Variants in ADAMTSL1 observed in about 807,000 individuals in gnomAD.
ADAMTSL1 encodes the protein ADAMTS like 1.
In ADAMTSL1, 126 loss-of-function variants were observed where a neutral mutation model predicts 201.8. The ratio of observed to expected loss-of-function variants is 0.62; its 90% CI spans 0.54 to 0.72. The LOEUF is 0.72. ADAMTSL1 is among the 30% of genes least tolerant of loss of function. The pLI, the probability that ADAMTSL1 is intolerant of heterozygous loss-of-function variation, is 0.00. For synonymous variants in ADAMTSL1, 1,121 were observed against 903.4 expected (o/e 1.24, Z -4.32); for missense variants, 2,679 against 2,277.8 (o/e 1.18, Z -3.59).
Position 18,695,958 on chromosome 9 carries a change from T to G in ADAMTSL1, c.1575-10789T>G, listed in dbSNP as rs1210912293. ...GGAGGCCACAGGAAATTTACAATCA[T>G]GATGGAAGAGAAGGGGAAGCAGGCA... On this transcript the variant is annotated intron_variant, in intron 13 of 28. Coordinates refer to ENST00000380548, the MANE Select transcript of ADAMTSL1 (RefSeq NM_001040272.6). 2.0e-5 allele frequency among the ~76,000 whole-genome samples: 3 copies of G among 152,060 alleles called. No homozygotes were observed. In the South Asian group the frequency reaches 6.2e-4, roughly 32 times the overall value.
intron 1 of ADAMTSL1, among the ~76,000 whole-genome samples, chr9:18,105,221 G>A (rs1370044991): frequency 1.3e-5 from 2 of 152,090 alleles, no homozygotes; most frequent in African/African-American, 4.8e-5. Context: ...TTTCCTTCCA[G>A]CCCTAACTTT....
At chr9:18,023,544 G>A (rs541139169) in intron 1 of ADAMTSL1, among the ~76,000 whole-genome samples, 12 of 152,278 alleles carry the variant, frequency 7.9e-5, no homozygotes, top group South Asian at 6.2e-4. Flanking sequence ...AATGCCCTGC[G>A]TCTGACTCAT....
chr9:18,732,110 C>G (rs748466934), intron 15 of ADAMTSL1, among the ~76,000 whole-genome samples: 21 of 152,136 alleles, frequency 1.4e-4, no homozygotes, highest in Non-Finnish European at 2.9e-4. Context: ...TAGTTCCTAC[C>G]TCATAGAGCA....
At chr9:18,603,386 CTATGCTAT>C (rs1824793259) in intron 4 of ADAMTSL1, among the ~76,000 whole-genome samples, 4 of 151,918 alleles carry the variant, frequency 2.6e-5, no homozygotes, top group African/African-American at 4.8e-5. Context: ...CTATGCTATG[CTATGCTAT>C]GCTATGCTAT....
At chr9:18,878,443 G>C (rs1363008077) in intron 23 of ADAMTSL1, among the ~76,000 whole-genome samples, 1 of 152,186 alleles carries the variant, frequency 6.6e-6, no homozygotes, top group African/African-American at 2.4e-5. Flanking sequence ...GCTTCCCCAG[G>C]AACTGAGAGC....
intron 1 of ADAMTSL1, among the ~76,000 whole-genome samples, chr9:18,493,085 A>G (rs186028845): frequency 2.0e-5 from 3 of 152,308 alleles, no homozygotes; most frequent in Admixed American, 2.0e-4. Flanking sequence ...AGCTTCAAGG[A>G]CATTGTATTG....
chr9:18,661,064 A>G (rs938720182), intron 8 of ADAMTSL1, among the ~76,000 whole-genome samples: 1 of 152,196 alleles, frequency 6.6e-6, no homozygotes, highest in East Asian at 1.9e-4. Flanking sequence ...AAAATTCTCT[A>G]TGCACATTTA....
intron 23 of ADAMTSL1, among the ~76,000 whole-genome samples, chr9:18,863,466 G>A (rs1827329167): frequency 6.6e-6 from 1 of 152,164 alleles, no homozygotes. Context: ...CTTAAAGTTA[G>A]TTTTCTTTGG....
chr9:18,489,321 A>T (rs1039227032), intron 1 of ADAMTSL1, among the ~76,000 whole-genome samples: 1 of 152,224 alleles, frequency 6.6e-6, no homozygotes, highest in Non-Finnish European at 1.5e-5. Context: ...TACTGATTCC[A>T]GGAACTCCTG....
chr9:18,477,122 C>T (rs994198384), intron 1 of ADAMTSL1, among the ~76,000 whole-genome samples: 9 of 152,270 alleles, frequency 5.9e-5, no homozygotes, highest in South Asian at 4.1e-4. Flanking sequence ...TCTGCTTTCT[C>T]GTATTTATTC....
At chr9:18,904,097 T>G (rs995815602) in intron 26 of ADAMTSL1, among the ~76,000 whole-genome samples, 1 of 152,162 alleles carries the variant, frequency 6.6e-6, no homozygotes, top group Non-Finnish European at 1.5e-5. Context: ...GCTTTCTGCA[T>G]AGCTGGGAAT....
chr9:18,099,323 G>GAA (rs1824387402), intron 1 of ADAMTSL1, among the ~76,000 whole-genome samples: 1 of 63,684 alleles, frequency 1.6e-5, no homozygotes, highest in African/African-American at 7.7e-5. Context: ...GCTGCAAATG[G>GAA]AAAATATATA....
intron 2 of ADAMTSL1, among the ~76,000 whole-genome samples, chr9:18,525,960 C>T (rs1819015287): frequency 6.6e-6 from 1 of 152,186 alleles, no homozygotes; most frequent in Non-Finnish European, 1.5e-5. Flanking sequence ...TCTATTAGAT[C>T]CACTTGGTAC....
At chr9:18,830,121 A>G in intron 23 of ADAMTSL1, 144 bp downstream of exon 23, 2 of 1,156,098 alleles carry the variant, frequency 1.7e-6, no homozygotes, top group Non-Finnish European at 2.4e-6. Flanking sequence ...ATCCAGACTC[A>G]CCAGTGGAAA....
chr9:18,877,460 G>T (rs2131491652), intron 23 of ADAMTSL1, among the ~76,000 whole-genome samples: 1 of 152,276 alleles, frequency 6.6e-6, no homozygotes, highest in African/African-American at 2.4e-5. Context: ...CCTAGGGATG[G>T]GGCTTTCTGG....
chr9:18,645,080 C>G (rs1275740285), intron 7 of ADAMTSL1, among the ~76,000 whole-genome samples: 2 of 152,116 alleles, frequency 1.3e-5, no homozygotes, highest in Admixed American at 1.3e-4. Flanking sequence ...GATTGCCATT[C>G]TACCTGGTGT....
chr9:18,562,311 G>C (rs7390384), intron 3 of ADAMTSL1, among the ~76,000 whole-genome samples: 38,750 of 152,008 alleles, frequency 0.25, 5,709 homozygotes, highest in Admixed American at 0.36. Flanking sequence ...GAAATTCTTG[G>C]TTGAAAATTC....
At chr9:17,962,032 G>A (rs1209703196) in intron 1 of ADAMTSL1, among the ~76,000 whole-genome samples, 1 of 152,152 alleles carries the variant, frequency 6.6e-6, no homozygotes, top group Admixed American at 6.6e-5. Context: ...CTTTACTATC[G>A]AGATGAGAAA....
chr9:18,121,820 T>C (rs1305639783), intron 1 of ADAMTSL1, among the ~76,000 whole-genome samples: 1 of 152,172 alleles, frequency 6.6e-6, no homozygotes, highest in African/African-American at 2.4e-5. Context: ...CCATTTCTGC[T>C]ACTTGTATAC....
Sources: allele counts gnomAD v4.1 joint callset (sites outside exome capture counted in the v4.1 genomes callset), GRCh38; gene constraint gnomAD v4.1.1; transcripts MANE v1.5; gene names NCBI Gene and HGNC (gene_info 2026-07-23, HGNC 2026-07-21).